Variants in NAMPT observed in about 807,000 individuals in gnomAD.
NAMPT encodes the protein nicotinamide phosphoribosyltransferase, also known as NAmPRTase.
In NAMPT, 7 loss-of-function variants were observed where a neutral mutation model predicts 58.7. That is an observed-to-expected ratio of 0.12 (90% CI 0.07 to 0.22). The LOEUF (loss-of-function observed/expected upper bound fraction) is 0.22, where lower values mean the gene tolerates loss of function less well. NAMPT is among the 10% of genes least tolerant of loss of function. The pLI is 1.00. For synonymous variants in NAMPT, 145 were observed against 198.1 expected, an observed-to-expected ratio of 0.73 and a Z score of 2.25; for missense variants, 271 against 567.9, an observed-to-expected ratio of 0.48 and a Z score of 5.31.
rs1792482235 is a variant in NAMPT at position 106,269,137 on chromosome 7, T to C, written c.606+17A>G. 1.9e-6 allele frequency: 3 copies of C among 1,600,062 alleles called. No homozygotes were observed. In the African/African-American group the frequency reaches 4.0e-5, roughly 22 times the overall value. On this transcript the variant is annotated intron_variant, in intron 5 of 10. Coordinates refer to ENST00000222553, the MANE Select transcript of NAMPT (RefSeq NM_005746.3). The stretch of plus-strand genomic sequence containing the variant: ...CAATCCACATTATATTAAATGAGGT[T>C]GGTTTCAGTTACTTACCTCTTGGGA...
Position 106,274,933 on chromosome 7 carries a change from A to C in NAMPT, c.318+13T>G, listed in dbSNP as rs1792604671. On this transcript the variant is annotated intron_variant, in intron 3 of 10. Transcript: ENST00000222553. ...AAAACCAAAACAGATCAAAAGATGA[A>C]ACCATCTTTTACCTCAAGAATGTAG... The C allele has an allele frequency of 6.6e-7, 1 of 1,517,248 alleles. No individual in the cohort carries two copies. Among genetic ancestry groups the C allele is most frequent in the African/African-American group, 1.4e-5 (1 of 72,188 alleles). 94.0% of individuals were successfully genotyped at this position (1,517,248 alleles called of 1,614,324 possible). A position where few individuals can be genotyped will look rare whatever the true frequency, so the allele number is the denominator to read the frequency against.
At position 106,275,027 on chromosome 7, in the gene NAMPT, T is replaced by C. The variant is rs1792605688; in HGVS notation, c.237A>G (p.Lys79=). Residue 79 remains lysine (K), a synonymous_variant, in exon 3 of 11, where the codon AAA becomes AAG. Transcript: ENST00000222553. The part of the protein sequence containing the change: ...YLKGKVVTKE[K]IQEAKDVYKE... ...TGTAGACATCTTTGGCTTCCTGGAT[T>C]TTCTCTTTGGTTACTACTTTACCTA... is the stretch of plus-strand genomic sequence containing the variant. The C allele has an allele frequency of 6.2e-7, 1 of 1,610,648 alleles. No individual in the cohort carries two copies. The highest frequency in any genetic ancestry group is 8.5e-7 in the Non-Finnish European group (1 of 1,176,952).
intron 1 of NAMPT, among the ~76,000 whole-genome samples, chr7:106,282,183 T>G (rs960835585): frequency 4.6e-5 from 7 of 152,052 alleles, no homozygotes; most frequent in African/African-American, 1.7e-4. Flanking sequence ...CAACAAAAAT[T>G]TGTTACTTGG....
chr7:106,267,866 A>AAAAG (rs1792453414), intron 6 of NAMPT, among the ~76,000 whole-genome samples: 1 of 133,566 alleles, frequency 7.5e-6, no homozygotes, highest in Non-Finnish European at 1.7e-5. Flanking sequence ...AAAAAAAAAA[A>AAAAG]AAAAAAAAAA....
chr7:106,285,680 C>A, upstream of NAMPT: 1 of 744,118 alleles, frequency 1.3e-6, no homozygotes, highest in Non-Finnish European at 1.6e-6. Flanking sequence ...TCTGATGCAG[C>A]GACTCCGCTT....
At position 106,277,044 on chromosome 7, in the gene NAMPT, T is replaced by C. The variant is rs773314008; in HGVS notation, c.193A>G (p.Ile65Val). 27 of 1,591,328 alleles carry C rather than the reference T, an allele frequency of 1.7e-5. No homozygotes were observed. In the South Asian group the frequency reaches 3.0e-4, roughly 18 times the overall value. Residue 65 changes from isoleucine (I) to valine (V), a missense_variant, in exon 2 of 11, where the codon ATT (isoleucine) becomes GTT (valine). This residue lies in a region of NAMPT where 103 missense variants were observed against 194.2 expected (regional missense o/e 0.53). Coordinates refer to ENST00000222553, the MANE Select transcript of NAMPT (RefSeq NM_005746.3). ...ATACCTTTTAAGTACTTATTAAGAA[T>C]GTACTGCAACCCATAAAATACTGTT... is the stretch of plus-strand genomic sequence containing the variant. ...EETVFYGLQY[I>V]LNKYLKGKVV...
intron 2 of NAMPT, chr7:106,276,593 A>G: frequency 6.2e-6 from 1 of 162,122 alleles, no homozygotes; most frequent in South Asian, 1.5e-4. Flanking sequence ...CTGTAATCAC[A>G]GCACTTTGGT....
chr7:106,277,654 C>A (rs1792676174), intron 1 of NAMPT, among the ~76,000 whole-genome samples: 1 of 152,186 alleles, frequency 6.6e-6, no homozygotes, highest in Admixed American at 6.5e-5. Flanking sequence ...TTAGCCTTCA[C>A]AGTGACACTA....
In NAMPT at chr7:106,254,524, C is replaced by CA; in HGVS notation, c.1090-21dup. On this transcript the variant is annotated intron_variant, in intron 8 of 10. Transcript: ENST00000222553. ...TACAATCTAGAAGATTAAAACAAAA[C>CA]AAAACCAAACCAAACCTTAATTTGG... is the stretch of plus-strand genomic sequence containing the variant. 1 of 1,610,680 alleles carries CA rather than the reference C, an allele frequency of 6.2e-7. No individual in the cohort carries two copies. Among genetic ancestry groups the CA allele is most frequent in the Non-Finnish European group, 8.5e-7 (1 of 1,177,426 alleles).
At chr7:106,267,873 A>AAAAAAAAAAAAAAC (rs1792455452) in intron 6 of NAMPT, among the ~76,000 whole-genome samples, 1 of 137,066 alleles carries the variant, frequency 7.3e-6, no homozygotes, top group Non-Finnish European at 1.6e-5. Context: ...AAAAAAAAAA[A>AAAAAAAAAAAAAAC]AAACAACCTG....
In NAMPT at chr7:106,250,277, CATT is replaced by C. The variant is rs1302239429; in HGVS notation, c.*803_*805del. On this transcript the variant is annotated 3_prime_UTR_variant, in exon 11 of 11. Transcript: ENST00000222553. ...TGGAAGCAGAAATTCTCTCTAAAAA[CATT>C]ATCTCCTTAAAATCTTGAGGTGCAT... 1 of 152,206 alleles carries C rather than the reference CATT, an allele frequency of 6.6e-6. No homozygotes were observed. The highest frequency in any genetic ancestry group is 2.4e-5 in the African/African-American group (1 of 41,350). The allele number at this position is 152,206 out of a possible 1,614,324, so 9.4% of individuals were successfully genotyped here. A position where few individuals can be genotyped will look rare whatever the true frequency, so the allele number is the denominator to read the frequency against.
In NAMPT at chr7:106,277,084, C is replaced by A. The variant is rs1420917382; in HGVS notation, c.153G>T (p.Lys51Asn). Reference protein sequence around the residue: ...EKKTENSKLRKVKYEETVFYG... With the variant: ...EKKTENSKLRNVKYEETVFYG... ...AAAATACTGTTTCCTCATATTTCAC[C>A]TTCCTTAATTTGGAGTTTTCTGTCT... Residue 51 changes from lysine to asparagine, a missense_variant, in exon 2 of 11, where the codon AAG becomes AAT. Physicochemically the swap from Lys to Asn is moderately conservative, Grantham distance 94. This residue lies in a region of NAMPT where 103 missense variants were observed against 194.2 expected (regional missense o/e 0.53). Transcript: ENST00000222553. The A allele has an allele frequency of 1.2e-6, 2 of 1,605,852 alleles. No homozygotes were observed. The highest frequency in any genetic ancestry group is 2.2e-5 in the East Asian group (1 of 44,730).
rs1030408515 is a variant in NAMPT, at chr7:106,248,503, T to G, written c.*2580A>C. 6.6e-6 allele frequency: 1 copy of G among 152,462 alleles called. No individual in the cohort carries two copies. Among genetic ancestry groups the G allele is most frequent in the African/African-American group, 2.4e-5 (1 of 41,438 alleles). The allele number at this position is 152,462 out of a possible 1,614,324, so 9.4% of individuals were successfully genotyped here. A position where few individuals can be genotyped will look rare whatever the true frequency, so the allele number is the denominator to read the frequency against. On this transcript the variant is annotated 3_prime_UTR_variant, in exon 11 of 11. Transcript: ENST00000222553. ...ACAATAAATACCTTGCCATTTTTCT[T>G]TCTAATTTTCCAAGATAGATTTCAT...
At chr7:106,285,033 G>C, upstream of NAMPT, 1 of 1,396,324 alleles carries the variant, frequency 7.2e-7, no homozygotes, top group Non-Finnish European at 9.4e-7. Flanking sequence ...GAGGGGAGGG[G>C]TCAGAGGAGG....
intron 2 of NAMPT, chr7:106,275,359 T>A (rs62481378): frequency 0.066 from 11,195 of 170,358 alleles, 485 homozygotes; most frequent in Non-Finnish European, 0.099. Context: ...CTTTTCAACT[T>A]TGAGATGACT....
rs1311179144 is a variant in NAMPT, at chr7:106,284,936, G to A, written c.-52C>T. ...GCCGCGAGCTCCCTGGCGCGGCTGCGAGGAAGGAGAAAAATGAGCTTCACC... is the reference window on the plus strand; with the variant it reads ...GCCGCGAGCTCCCTGGCGCGGCTGCAAGGAAGGAGAAAAATGAGCTTCACC... On this transcript the variant is annotated 5_prime_UTR_variant, in exon 1 of 11. Coordinates refer to ENST00000222553, the MANE Select transcript of NAMPT (RefSeq NM_005746.3). 1.3e-6 allele frequency: 2 copies of A among 1,557,282 alleles called. No individual in the cohort carries two copies. Among genetic ancestry groups the A allele is most frequent in the Non-Finnish European group, 1.7e-6 (2 of 1,148,890 alleles).
intron 7 of NAMPT, among the ~76,000 whole-genome samples, chr7:106,262,856 T>G (rs1792333790): frequency 6.6e-6 from 1 of 152,082 alleles, no homozygotes; most frequent in Non-Finnish European, 1.5e-5. Flanking sequence ...AGGCATCAAA[T>G]AAGCCTGCTA....
chr7:106,268,229 T>TG (rs1792466658), intron 6 of NAMPT: 2 of 333,600 alleles, frequency 6.0e-6, no homozygotes, highest in African/African-American at 4.3e-5. Context: ...AAAACTTCTA[T>TG]GGCAATATAA....
intron 1 of NAMPT, among the ~76,000 whole-genome samples, chr7:106,282,401 GA>G (rs1465329505): frequency 6.6e-6 from 1 of 152,112 alleles, no homozygotes; most frequent in East Asian, 1.9e-4. Flanking sequence ...AAAATATGCT[GA>G]ATTCTAGATA....
Sources: allele counts gnomAD v4.1 joint callset (sites outside exome capture counted in the v4.1 genomes callset), GRCh38; gene constraint gnomAD v4.1.1; regional missense constraint gnomAD v4.1.1; transcripts MANE v1.5; gene names NCBI Gene and HGNC (gene_info 2026-07-23, HGNC 2026-07-21).